CMC4: variants seen among roughly 807,000 people sequenced by gnomAD.
The protein encoded by CMC4 is cx9C motif-containing protein 4.
CMC4 carries 4 observed loss-of-function variants against 5.1 expected under a neutral mutation model. The observed-to-expected ratio is 0.78, with a 90% confidence interval of 0.38 to 1.78. The LOEUF is 1.78. CMC4 is among the 40% of genes most tolerant of loss of function. The pLI, the probability that CMC4 is intolerant of heterozygous loss-of-function variation, is 0.04. For missense variants in CMC4, 52 were observed against 51.3 expected (o/e 1.01, Z -0.04); for synonymous variants, 23 against 18.9 (o/e 1.22, Z -0.57).
chrX:155,064,201 A>G (rs1281777714), intron 1 of CMC4, 168 bp from the exon 2 acceptor site: 2 of 342,850 alleles, frequency 5.8e-6, no homozygotes, highest in African/African-American at 2.7e-5. Context: ...CTGTATTTTT[A>G]TAATATCCAT....
At chrX:155,069,846 G>C (rs1019917547) in intron 1 of CMC4, among the ~76,000 whole-genome samples, 25 of 112,211 alleles carry the variant, frequency 2.2e-4, no homozygotes, top group African/African-American at 8.1e-4. Context: ...TTTTCTTCTT[G>C]AAAGTGCCTA....
At chrX:155,065,305 C>T (rs1557291929) in intron 1 of CMC4, 1 of 460,921 alleles carries the variant, frequency 2.2e-6, no homozygotes, top group Non-Finnish European at 3.8e-6. Context: ...ACTCCCTCCC[C>T]CCAGGCCCAA....
intron 1 of CMC4, chrX:155,065,082 C>T (rs1284971490): frequency 2.3e-5 from 4 of 172,165 alleles, no homozygotes; most frequent in African/African-American, 1.2e-4. Context: ...AAGGTGCTGA[C>T]TTTTGTGGGA....
intron 2 of CMC4, among the ~76,000 whole-genome samples, chrX:155,063,263 T>C (rs938592173): frequency 8.9e-6 from 1 of 112,115 alleles, no homozygotes; most frequent in Non-Finnish European, 1.9e-5. Flanking sequence ...TGGTGAATCT[T>C]TGGGGGAACT....
chrX:155,065,172 G>A (rs1292978482), intron 1 of CMC4: 3 of 303,298 alleles, frequency 9.9e-6, no homozygotes, highest in Non-Finnish European at 1.7e-5. Flanking sequence ...TTCAAGTTAC[G>A]GATCCTGACT....
At chrX:155,064,096 G>A (rs782254549) in intron 1 of CMC4, 63 bp from the exon 2 acceptor site, 69 of 942,703 alleles carry the variant, frequency 7.3e-5, no homozygotes, top group South Asian at 3.4e-4. Flanking sequence ...GCCCCTCTAC[G>A]TGGAATTTTC....
intron 2 of CMC4, among the ~76,000 whole-genome samples, chrX:155,063,361 T>C (rs1225333380): frequency 4.5e-5 from 5 of 112,358 alleles, no homozygotes. Context: ...CTTATTAAAA[T>C]TTTTTCAAAT....
chrX:155,064,315 G>A (rs1557291859), intron 1 of CMC4: 2 of 185,916 alleles, frequency 1.1e-5, no homozygotes, highest in Non-Finnish European at 2.0e-5. Context: ...TAGAGGAGCC[G>A]ACGGCGCAGC....
chrX:155,068,246 T>C (rs1399318019), intron 1 of CMC4, among the ~76,000 whole-genome samples: 5 of 112,187 alleles, frequency 4.5e-5, no homozygotes, highest in Non-Finnish European at 9.4e-5. Flanking sequence ...TAAAAGGAAA[T>C]AATGCCAGTG....
intron 1 of CMC4, 122 bp from the exon 2 acceptor site, chrX:155,064,155 A>T (rs1224382902): frequency 5.0e-6 from 2 of 402,842 alleles, no homozygotes; most frequent in Non-Finnish European, 8.5e-6. Flanking sequence ...AAATAATTAC[A>T]CTAAAAATAC....
At chrX:155,069,461 G>C (rs2073961237) in intron 1 of CMC4, among the ~76,000 whole-genome samples, 1 of 112,002 alleles carries the variant, frequency 8.9e-6, no homozygotes, top group Non-Finnish European at 1.9e-5. Context: ...TCTTTATTTA[G>C]CATTTCCTAT....
In CMC4 at chrX:155,061,987, G is replaced by A; in HGVS notation, c.63C>T (p.Asn21=). Residue 21 remains asparagine (N), a synonymous_variant, in exon 3 of 3, where the codon AAC becomes AAT. Coordinates refer to ENST00000369484, the MANE Select transcript of CMC4 (RefSeq NM_001018024.3). The part of the protein sequence containing the change: ...ACEIQKCLQA[N]SYMESKCQAV... ...CCTGACACTTTGATTCCATGTAGCTGTTGGCTGAAAAACATACAGGCAGAC... is the reference window on the plus strand; with the variant it reads ...CCTGACACTTTGATTCCATGTAGCTATTGGCTGAAAAACATACAGGCAGAC... 7.4e-6 allele frequency: 9 copies of A among 1,209,183 alleles called. No homozygotes were observed. Among genetic ancestry groups the A allele is most frequent in the Non-Finnish European group, 8.9e-6 (8 of 894,329 alleles).
At chrX:155,066,146 C>T in intron 1 of CMC4, 1 of 461,036 alleles carries the variant, frequency 2.2e-6, no homozygotes, top group Non-Finnish European at 3.8e-6. Flanking sequence ...CTAGCAACCA[C>T]TAACCAGAAC....
chrX:155,064,090 C>A, intron 1 of CMC4, 57 bp from the exon 2 acceptor site: 1 of 981,177 alleles, frequency 1.0e-6, no homozygotes, highest in Non-Finnish European at 1.4e-6. Context: ...TTTAAAGCCC[C>A]TCTACGTGGA....
rs192672320 is a variant in CMC4 at position 155,066,536 on chromosome X, T to C, written c.-10-2503A>G. Among the ~76,000 whole-genome samples, 677 of 112,641 alleles carry C rather than the reference T, an allele frequency of 6.0e-3. 7 individuals are homozygous for C. Among genetic ancestry groups the C allele is most frequent in the African/African-American group, 0.021 (642 of 31,013 alleles). Reference sequence around the variant, plus strand: ...TTAAAAGGTAAGATTCTGAAGGACATATATGCATGTCTTTCAGAGTTGAAA... The same window carrying C: ...TTAAAAGGTAAGATTCTGAAGGACACATATGCATGTCTTTCAGAGTTGAAA... On this transcript the variant is annotated intron_variant, in intron 1 of 2. Transcript: ENST00000369484.
rs782419069 is a variant in CMC4, at chrX:155,066,180, C to T, written c.-10-2147G>A. On this transcript the variant is annotated intron_variant, in intron 1 of 2. Transcript: ENST00000369484. ...ACCAAACCTCATATGTCTATTTGCA[C>T]AACCTAAATAGAACCAAGGACATCT... is the stretch of plus-strand genomic sequence containing the variant. 38 of 424,486 alleles carry T rather than the reference C, an allele frequency of 9.0e-5. 1 individual carries two copies. The South Asian group carries it at 1.4e-3, about 15-fold the overall frequency. The allele number at this position is 424,486 out of a possible 1,213,427, so 35.0% of individuals were successfully genotyped here.
chrX:155,068,607 A>G (rs782649311), intron 1 of CMC4, among the ~76,000 whole-genome samples: 3 of 112,596 alleles, frequency 2.7e-5, no homozygotes, highest in African/African-American at 9.7e-5. Context: ...CACAGGTTTT[A>G]TGAGTGGAAA....
intron 1 of CMC4, chrX:155,065,042 T>A (rs887164364): frequency 5.9e-5 from 8 of 134,821 alleles, no homozygotes; most frequent in East Asian, 4.3e-4. Flanking sequence ...CAGTACCAAG[T>A]CCTTGGTGAT....
intron 1 of CMC4, chrX:155,066,076 G>T: frequency 1.1e-6 from 1 of 904,153 alleles, no homozygotes; most frequent in Non-Finnish European, 1.6e-6. Context: ...CCCGCGCACA[G>T]GACACAGGTG....
Sources: allele counts gnomAD v4.1 joint callset (sites outside exome capture counted in the v4.1 genomes callset), GRCh38; gene constraint gnomAD v4.1.1; transcripts MANE v1.5; gene names NCBI Gene and HGNC (gene_info 2026-07-23, HGNC 2026-07-21).